The following RNF213 variants were observed in gnomAD, a reference collection of about 807,000 sequenced individuals.
RNF213 encodes ring finger protein 213.
A neutral mutation model predicts 514.4 loss-of-function variants in RNF213; 341 were observed. The ratio of observed to expected loss-of-function variants is 0.66; its 90% confidence interval spans 0.61 to 0.73. RNF213 has a LOEUF of 0.73. Ranked by LOEUF, RNF213 falls within the 30% of genes least tolerant of loss-of-function variation. The pLI is 0.00. For synonymous variants in RNF213, 2,655 were observed against 2,658.2 expected (o/e 1.00, Z 0.04); for missense variants, 5,767 against 6,615.6 (o/e 0.87, Z 4.45).
chr17:80,265,629 G>A (rs2043587316), intron 2 of RNF213, among the ~76,000 whole-genome samples: 1 of 152,222 alleles, frequency 6.6e-6, no homozygotes, highest in Admixed American at 6.6e-5. Flanking sequence ...AATGATCTGA[G>A]AGTTTCTTAG....
At chr17:80,374,892 T>G (rs1040647927) in intron 50 of RNF213, 4 of 403,602 alleles carry the variant, frequency 9.9e-6, no homozygotes, top group Non-Finnish European at 1.9e-5. Flanking sequence ...TTTGAGACCC[T>G]GCTGGAAAAC....
In RNF213 at chr17:80,290,612, C is replaced by T. The variant is rs545897810; in HGVS notation, c.1155C>T (p.Ala385=). 5.6e-6 allele frequency: 9 copies of T among 1,614,140 alleles called. No homozygotes were observed. Among genetic ancestry groups the T allele is most frequent in the East Asian group, 2.2e-5 (1 of 44,888 alleles). Residue 385 remains alanine (A), a synonymous_variant, in exon 7 of 68, where the codon GCC becomes GCT. Transcript: ENST00000582970. The part of the protein sequence containing the change: ...PGGGVTVFFH[A]IISLHFPFNP... ...GAGGAGTCACCGTGTTCTTCCACGC[C>T]ATCATCTCTCTTCATTTCCCATTCA...
chr17:80,339,074 G>A (rs764445482), intron 25 of RNF213, 127 bp from the exon 26 acceptor site: 38 of 567,256 alleles, frequency 6.7e-5, no homozygotes, highest in Non-Finnish European at 9.1e-5. Context: ...GGCCTTGTGA[G>A]CGCAGATCAT....
At position 80,379,667 on chromosome 17, in the gene RNF213, G is replaced by A. The variant is rs371547532; in HGVS notation, c.13593G>A (p.Pro4531=). 3.1e-6 allele frequency: 5 copies of A among 1,614,116 alleles called. No individual in the cohort carries two copies. Among genetic ancestry groups the A allele is most frequent in the Admixed American group, 1.7e-5 (1 of 60,012 alleles). Residue 4531 remains proline (P), a synonymous_variant, in exon 55 of 68, where the codon CCG becomes CCA. Transcript: ENST00000582970. ...EQSICIDCHA[P]IGGIDHKPRD... ...GCATCTGCATTGACTGCCATGCGCCGATTGGAGGCATTGACCACAAACCTC... is the reference window on the plus strand; with the variant it reads ...GCATCTGCATTGACTGCCATGCGCCAATTGGAGGCATTGACCACAAACCTC...
At chr17:80,388,584 T>A (rs1369353135) in intron 63 of RNF213, 28 bp from the exon 64 acceptor site, 2 of 1,513,212 alleles carry the variant, frequency 1.3e-6, no homozygotes, top group African/African-American at 1.4e-5. Flanking sequence ...GATTTAATTT[T>A]AAAAAACTTT....
rs2144692855 is a variant in RNF213, at chr17:80,394,596, T to TC, written c.*1098_*1099insC. The TC allele has an allele frequency of 6.6e-6, 1 of 152,360 alleles. No individual in the cohort carries two copies. Among genetic ancestry groups the TC allele is most frequent in the East Asian group, 1.9e-4 (1 of 5,188 alleles). The allele number at this position is 152,360 out of a possible 1,614,324, so 9.4% of individuals were successfully genotyped here. A position where few individuals can be genotyped will look rare whatever the true frequency, so the allele number is the denominator to read the frequency against. ...CTAGACAGCTCAGCACAGCTATTGA[T>TC]ATGTTAGAGGCAGTATCCTTAATAT... On this transcript the variant is annotated 3_prime_UTR_variant, in exon 68 of 68. Transcript: ENST00000582970.
At chr17:80,376,603 G>A (rs891959600) in intron 52 of RNF213, 60 bp downstream of exon 52, 17 of 1,610,504 alleles carry the variant, frequency 1.1e-5, no homozygotes, top group Admixed American at 5.0e-5. Flanking sequence ...GCTTGTCACT[G>A]TAGAGACCGA....
At position 80,339,556 on chromosome 17, in the gene RNF213, C is replaced by T. The variant is rs1252894994; in HGVS notation, c.5189C>T (p.Ser1730Phe). The change falls in exon 26 of 68, where the codon TCC (serine) becomes TTC (phenylalanine). Residue 1730 changes from serine (S) to phenylalanine (F), a missense_variant. Ser to Phe is a radical substitution (Grantham distance 155, BLOSUM62 -2). Transcript: ENST00000582970. The stretch of plus-strand genomic sequence containing the variant: ...AGTGATGCCGCCCTAACGATGCTAT[C>T]CTTCATCAAAAGCAACTGCACCCTG... ...PPSDAALTMLSFIKSNCTLRD... is the reference protein window; with the variant it reads ...PPSDAALTMLFFIKSNCTLRD... 6.5e-7 allele frequency: 1 copy of T among 1,537,224 alleles called. No homozygotes were observed. Among genetic ancestry groups the T allele is most frequent in the Admixed American group, 2.0e-5 (1 of 51,006 alleles).
In RNF213 at chr17:80,353,363, G is replaced by A. The variant is rs2078603260; in HGVS notation, c.10424-149G>A. 4.2e-6 allele frequency: 4 copies of A among 950,462 alleles called. No homozygotes were observed. The highest frequency in any genetic ancestry group is 6.5e-6 in the Non-Finnish European group (4 of 612,334). The allele number at this position is 950,462 out of a possible 1,614,324, so 58.9% of individuals were successfully genotyped here. A position where few individuals can be genotyped will look rare whatever the true frequency, so the allele number is the denominator to read the frequency against. ...GCCTTGGGGGCTGATCTTCATGACC[G>A]TGATCTCTCATCTGGGGACCTAGCA... On this transcript the variant is annotated intron_variant, in intron 33 of 67. Coordinates refer to ENST00000582970, the MANE Select transcript of RNF213 (RefSeq NM_001256071.3). The surrounding 1 kb of genome is among the most constrained non-coding windows in gnomAD (Gnocchi z 5.0).
intron 9 of RNF213, 144 bp downstream of exon 9, chr17:80,295,147 T>C (rs2044887552): frequency 1.0e-6 from 1 of 965,836 alleles, no homozygotes; most frequent in Non-Finnish European, 1.6e-6. Flanking sequence ...TACCACTGTC[T>C]CTTGGGATTT....
At chr17:80,385,496 G>C (rs577488817) in intron 60 of RNF213, 42 bp from the exon 61 acceptor site, 2 of 1,576,714 alleles carry the variant, frequency 1.3e-6, no homozygotes, top group Admixed American at 3.3e-5. Context: ...CCTTTCAGGG[G>C]GTTGCTATCA....
Position 80,337,847 on chromosome 17 carries a change from G to A in RNF213, c.4683G>A (p.Thr1561=), listed in dbSNP as rs75651507. ...GCTCTTCACAGATTTCCCCAGACAC[G>A]GTTCTGCACTTGATCCTTCCTGAGA... is the stretch of plus-strand genomic sequence containing the variant. ...PKGGQKISPD[T]VLHLILPESP... The change falls in exon 25 of 68, where the codon ACG becomes ACA. Residue 1561 remains threonine (T), a synonymous_variant. Coordinates refer to ENST00000582970, the MANE Select transcript of RNF213 (RefSeq NM_001256071.3). The A allele has an allele frequency of 1.2e-3, 1,791 of 1,537,128 alleles. 17 individuals are homozygous for A. The African/African-American group carries it at 0.022, about 19-fold the overall frequency.
intron 8 of RNF213, among the ~76,000 whole-genome samples, chr17:80,294,515 T>C (rs1330588945): frequency 6.6e-6 from 1 of 152,186 alleles, no homozygotes; most frequent in Non-Finnish European, 1.5e-5. Context: ...GGATGTCTGT[T>C]TGCACGGGGC....
intron 2 of RNF213, among the ~76,000 whole-genome samples, chr17:80,268,371 AAAAAAAAAG>A (rs1253720130): frequency 4.0e-4 from 58 of 145,086 alleles, no homozygotes; most frequent in East Asian, 2.0e-4. Flanking sequence ...AAAAAAAAAA[AAAAAAAAAG>A]GCAGTACTGC....
chr17:80,353,288 G>C lies in RNF213; in HGVS notation c.10424-224G>C. On this transcript the variant is annotated intron_variant, in intron 33 of 67. Coordinates refer to ENST00000582970, the MANE Select transcript of RNF213 (RefSeq NM_001256071.3). The surrounding 1 kb of genome is among the most constrained non-coding windows in gnomAD (Gnocchi z 5.0). Reference sequence around the variant, plus strand: ...AGAGCTCTGTGAGCAGGCCAGCCATGGAAGTGAGCACCTAGAACACGCCAG... The same window carrying C: ...AGAGCTCTGTGAGCAGGCCAGCCATCGAAGTGAGCACCTAGAACACGCCAG... The C allele has an allele frequency of 1.3e-6, 1 of 778,468 alleles. No individual in the cohort carries two copies. 48.2% of individuals were successfully genotyped at this position (778,468 alleles called of 1,614,324 possible).
In RNF213 at chr17:80,396,767, G is replaced by T. The variant is rs1301203992; in HGVS notation, c.*3269G>T. Reference sequence around the variant, plus strand: ...CCCCCAACCAGAGCAACTTTGGTCAGAAGTCACACCTAATCACCCTCTCTG... The same window carrying T: ...CCCCCAACCAGAGCAACTTTGGTCATAAGTCACACCTAATCACCCTCTCTG... On this transcript the variant is annotated 3_prime_UTR_variant, in exon 68 of 68. Transcript: ENST00000582970. The T allele has an allele frequency of 3.6e-5, 4 of 110,404 alleles. No homozygotes were observed. The highest frequency in any genetic ancestry group is 1.1e-4 in the African/African-American group (3 of 27,610). The allele number at this position is 110,404 out of a possible 1,614,324, so 6.8% of individuals were successfully genotyped here.
At chr17:80,354,296 G>A in intron 35 of RNF213, 130 bp downstream of exon 35, 1 of 1,488,320 alleles carries the variant, frequency 6.7e-7, no homozygotes, top group Middle Eastern at 2.2e-4. Context: ...GTGACACAGT[G>A]GGAATCTAAG....
chr17:80,301,184 C>G (rs2045163667), intron 11 of RNF213, among the ~76,000 whole-genome samples: 1 of 152,090 alleles, frequency 6.6e-6, no homozygotes. Context: ...CTTGTGATTG[C>G]TTTTGGTATT....
At chr17:80,290,808 ATT>A (rs1386823741) in intron 7 of RNF213, 80 bp downstream of exon 7, 3 of 1,550,064 alleles carry the variant, frequency 1.9e-6, no homozygotes, top group Non-Finnish European at 2.6e-6. Context: ...GTTTAAAAAA[ATT>A]TTGTTTTTTT....
Sources: allele counts gnomAD v4.1 joint callset (sites outside exome capture counted in the v4.1 genomes callset), GRCh38; gene constraint gnomAD v4.1.1; non-coding constraint Gnocchi (gnomAD v3.1); transcripts MANE v1.5; gene names NCBI Gene and HGNC (gene_info 2026-07-23, HGNC 2026-07-21).